ZBTB34: variants seen among roughly 807,000 people sequenced by gnomAD.
ZBTB34 encodes zinc finger and BTB domain-containing protein 34.
A neutral mutation model predicts 33.4 loss-of-function variants in ZBTB34; 1 was observed. The observed-to-expected ratio is 0.03, with a 90% CI of 0.01 to 0.14. The LOEUF is 0.14. Ranked by LOEUF, ZBTB34 falls within the 10% of genes least tolerant of loss-of-function variation. The pLI is 1.00. For missense variants in ZBTB34, 406 were observed against 657.2 expected, an observed-to-expected ratio of 0.62 and a Z score of 4.18; for synonymous variants, 283 against 253.5, an observed-to-expected ratio of 1.12 and a Z score of -1.11.
intron 1 of ZBTB34, among the ~76,000 whole-genome samples, chr9:126,865,276 C>G (rs1006025170): frequency 4.6e-5 from 7 of 152,150 alleles, no homozygotes; most frequent in African/African-American, 1.7e-4. Context: ...GTCCATGGAT[C>G]TTGAGCCACC....
intron 1 of ZBTB34, among the ~76,000 whole-genome samples, chr9:126,875,406 ATG>A (rs1311664448): frequency 6.6e-6 from 1 of 152,178 alleles, no homozygotes; most frequent in Non-Finnish European, 1.5e-5. Flanking sequence ...TCATCAGGCT[ATG>A]TTATATTTAT....
intron 1 of ZBTB34, among the ~76,000 whole-genome samples, chr9:126,865,506 G>A (rs2033189122): frequency 6.6e-6 from 1 of 152,204 alleles, no homozygotes; most frequent in Non-Finnish European, 1.5e-5. Flanking sequence ...CTTTATCCAA[G>A]AAAGTTGTAG....
In ZBTB34 at chr9:126,879,989, G is replaced by A. The variant is rs561784372; in HGVS notation, c.590G>A (p.Arg197His). The stretch of plus-strand genomic sequence containing the variant: ...ACCCCCAGCAAAGCTTTGCGCAGCC[G>A]CTTACAGGAGGAGGGGCACTCAGAC... The change falls in exon 2 of 2, where the codon CGC (arginine) becomes CAC (histidine). Residue 197 changes from arginine (R) to histidine (H), a missense_variant. Coordinates refer to ENST00000319119, the Ensembl canonical transcript of ZBTB34. The surrounding 1 kb of genome is among the most constrained non-coding windows in gnomAD (Gnocchi z 6.4). 8 of 1,613,482 alleles carry A rather than the reference G, an allele frequency of 5.0e-6. No homozygotes were observed. The highest frequency in any genetic ancestry group is 4.4e-5 in the South Asian group (4 of 91,068).
At chr9:126,862,528 C>T (rs1429257071) in intron 1 of ZBTB34, among the ~76,000 whole-genome samples, 1 of 152,212 alleles carries the variant, frequency 6.6e-6, no homozygotes, top group Non-Finnish European at 1.5e-5. Flanking sequence ...CCAAGTCTGT[C>T]CCCTGCAGAA....
intron 1 of ZBTB34, among the ~76,000 whole-genome samples, chr9:126,862,809 G>A (rs549296988): frequency 5.9e-5 from 9 of 152,114 alleles, no homozygotes; most frequent in East Asian, 1.9e-4. Flanking sequence ...TACTCCTCTC[G>A]GAGACCTTAT....
intron 1 of ZBTB34, among the ~76,000 whole-genome samples, chr9:126,863,542 T>A (rs1170503165): frequency 6.6e-6 from 1 of 152,258 alleles, no homozygotes; most frequent in Non-Finnish European, 1.5e-5. Context: ...GTTTAAATTC[T>A]GCTTAATGTT....
chr9:126,863,691 T>A (rs1458512526), intron 1 of ZBTB34: 3 of 985,414 alleles, frequency 3.0e-6, no homozygotes, highest in Middle Eastern at 5.2e-4. Flanking sequence ...AAGGAAAACC[T>A]CATGGAAGAA....
intron 1 of ZBTB34, among the ~76,000 whole-genome samples, chr9:126,874,032 T>C (rs1588388858): frequency 6.7e-6 from 1 of 148,574 alleles, no homozygotes; most frequent in African/African-American, 2.5e-5. Context: ...CTGCTGTGTA[T>C]GTTCTTTTTT....
chr9:126,869,416 CAT>C (rs1286593698), intron 1 of ZBTB34, among the ~76,000 whole-genome samples: 1 of 152,086 alleles, frequency 6.6e-6, no homozygotes, highest in African/African-American at 2.4e-5. Context: ...GATTCAGAGA[CAT>C]ACTGCGTCCT....
At chr9:126,872,823 T>TGTAA (rs1245246618) in intron 1 of ZBTB34, among the ~76,000 whole-genome samples, 1 of 152,186 alleles carries the variant, frequency 6.6e-6, no homozygotes, top group African/African-American at 2.4e-5. Flanking sequence ...GAAGTGTTAA[T>TGTAA]GTAAGGGAGA....
At chr9:126,878,503 GA>G (rs2033392046) in intron 1 of ZBTB34, among the ~76,000 whole-genome samples, 1 of 151,360 alleles carries the variant, frequency 6.6e-6, no homozygotes, top group Admixed American at 6.6e-5. Flanking sequence ...ACTCTTCACT[GA>G]AGGAGACTGA....
At chr9:126,873,462 C>G (rs546773597) in intron 1 of ZBTB34, among the ~76,000 whole-genome samples, 1 of 152,194 alleles carries the variant, frequency 6.6e-6, no homozygotes, top group South Asian at 2.1e-4. Flanking sequence ...CAGGGTTTCA[C>G]CACGTTGGCC....
intron 1 of ZBTB34, among the ~76,000 whole-genome samples, chr9:126,866,423 T>C (rs556531963): frequency 2.0e-4 from 31 of 152,314 alleles, no homozygotes; most frequent in African/African-American, 7.5e-4. Flanking sequence ...TCCTTGTCCC[T>C]GAGCTGGGGC....
chr9:126,873,083 C>A (rs773850385), intron 1 of ZBTB34, among the ~76,000 whole-genome samples: 36 of 152,154 alleles, frequency 2.4e-4, no homozygotes, highest in Non-Finnish European at 4.6e-4. Context: ...CAGTCCACAC[C>A]TTTAAAAAGC....
chr9:126,879,597 G>T lies in ZBTB34; in HGVS notation c.198G>T (p.Ala66=). ...CCCCATATTTCCGGGACCATTCAGC[G>T]TTAAGTACCATGAGTGGCTTGTCAA... Residue 66 remains alanine (A), a synonymous_variant, in exon 2 of 2, where the codon GCG becomes GCT. Coordinates refer to ENST00000319119, the Ensembl canonical transcript of ZBTB34. The surrounding 1 kb of genome is among the most constrained non-coding windows in gnomAD (Gnocchi z 6.4). 6.2e-7 allele frequency: 1 copy of T among 1,613,900 alleles called. No homozygotes were observed.
exon 2 of ZBTB34, chr9:126,881,412 T>C (rs1252706478): frequency 6.1e-6 from 1 of 162,694 alleles, no homozygotes; most frequent in Non-Finnish European, 1.5e-5. Context: ...ATATATACAT[T>C]TTCAAATTTG....
chr9:126,881,099 G>A, exon 2 of ZBTB34: 1 of 669,948 alleles, frequency 1.5e-6, no homozygotes, highest in Non-Finnish European at 2.5e-6. Context: ...CCCCGAAGGA[G>A]CTCAAAGCAT....
rs768436916 is a variant in ZBTB34, at chr9:126,861,419, C to T, written c.-11+680C>T. 4.6e-5 allele frequency among the ~76,000 whole-genome samples: 7 copies of T among 152,202 alleles called. No homozygotes were observed. In the East Asian group the frequency reaches 7.7e-4, roughly 17 times the overall value. On this transcript the variant is annotated intron_variant, in intron 1 of 1. Coordinates refer to ENST00000319119, the Ensembl canonical transcript of ZBTB34. The stretch of plus-strand genomic sequence containing the variant: ...TCGTCTGGGAGTCTCTGTCTTGAGG[C>T]CTTCCGCAAGCCCCTTCCATGCTAG...
chr9:126,883,142 G>A (rs2033467327), exon 2 of ZBTB34: 1 of 166,206 alleles, frequency 6.0e-6, no homozygotes, highest in South Asian at 2.1e-4. Flanking sequence ...ATGTTCTGGG[G>A]TTTCAGGTAA....
Sources: allele counts gnomAD v4.1 joint callset (sites outside exome capture counted in the v4.1 genomes callset), GRCh38; gene constraint gnomAD v4.1.1; non-coding constraint Gnocchi (gnomAD v3.1); transcripts MANE v1.5; gene names NCBI Gene and HGNC (gene_info 2026-07-23, HGNC 2026-07-21).